Variants in SIM2 observed in about 807,000 individuals in gnomAD.
SIM2 encodes the protein single-minded homolog 2.
SIM2 carries 28 observed loss-of-function variants against 64.8 expected under a neutral mutation model. That is an observed-to-expected ratio of 0.43 (90% confidence interval 0.32 to 0.59). The LOEUF (loss-of-function observed/expected upper bound fraction) is 0.59, where lower values mean the gene tolerates loss of function less well. Among genes scored for constraint, SIM2 ranks in the 20% least tolerant of loss-of-function variants. The pLI is 0.07. For synonymous variants in SIM2, 408 were observed against 391.1 expected (o/e 1.04, Z -0.51); for missense variants, 847 against 871.4 (o/e 0.97, Z 0.35).
In SIM2 at chr21:36,723,050, G is replaced by A. The variant is rs757646652; in HGVS notation, c.463G>A (p.Glu155Lys). 1 of 1,614,032 alleles carries A rather than the reference G, an allele frequency of 6.2e-7. No homozygotes were observed. Among genetic ancestry groups the A allele is most frequent in the East Asian group, 2.2e-5 (1 of 44,880 alleles). ...CATCTTGCTCCTGCTTGCAGAGTAT[G>A]AGATAGAGAGGTCGTTCTTTCTTCG... is the stretch of plus-strand genomic sequence containing the variant. ...PLHHHLLQEY[E>K]IERSFFLRMK... Residue 155 changes from glutamate (E) to lysine (K), a missense_variant, in exon 5 of 11, where the codon GAG (glutamate) becomes AAG (lysine). Physicochemically the swap from Glu to Lys is moderately conservative, Grantham distance 56 (BLOSUM62 1). Around this residue, in one of 3 missense-constraint regions of SIM2, gnomAD observed 397 missense variants for 439.2 expected, o/e 0.90. Transcript: ENST00000290399.
intron 7 of SIM2, among the ~76,000 whole-genome samples, chr21:36,735,204 C>G (rs1229264884): frequency 6.6e-6 from 1 of 152,108 alleles, no homozygotes; most frequent in East Asian, 1.9e-4. Context: ...CCTGGCTTAC[C>G]CCCAACATGG....
chr21:36,745,979 T>C lies in SIM2; in HGVS notation c.1576+843T>C. The C allele has an allele frequency of 8.4e-7, 1 of 1,188,486 alleles. No homozygotes were observed. The highest frequency in any genetic ancestry group is 1.1e-6 in the Non-Finnish European group (1 of 929,234). The allele number at this position is 1,188,486 out of a possible 1,614,324, so 73.6% of individuals were successfully genotyped here. A position where few individuals can be genotyped will look rare whatever the true frequency, so the allele number is the denominator to read the frequency against. ...AGAGTGTAGACCGAGATGGTGCAGA[T>C]GCCTGCAGTGCCACTAAAATGTGGG... On this transcript the variant is annotated intron_variant, in intron 10 of 10. Transcript: ENST00000290399. The surrounding 1 kb of genome is among the most constrained non-coding windows in gnomAD (Gnocchi z 4.8).
intron 3 of SIM2, among the ~76,000 whole-genome samples, chr21:36,718,497 C>T (rs2088775641): frequency 1.3e-5 from 2 of 152,238 alleles, no homozygotes; most frequent in South Asian, 2.1e-4. Flanking sequence ...ACAAGACACA[C>T]CATGAGCCTC....
chr21:36,707,203 G>T (rs1439084934), intron 1 of SIM2, among the ~76,000 whole-genome samples: 1 of 152,224 alleles, frequency 6.6e-6, no homozygotes, highest in Non-Finnish European at 1.5e-5. Context: ...TGCCTTTGTC[G>T]CTTTTTGGAA....
intron 2 of SIM2, among the ~76,000 whole-genome samples, chr21:36,711,372 T>C (rs2088675146): frequency 6.6e-6 from 1 of 152,252 alleles, no homozygotes; most frequent in African/African-American, 2.4e-5. Context: ...ATTTTGCAGC[T>C]GAGTTAGAAA....
At chr21:36,703,644 G>A (rs573573444) in intron 1 of SIM2, among the ~76,000 whole-genome samples, 45 of 152,334 alleles carry the variant, frequency 3.0e-4, no homozygotes, top group African/African-American at 9.1e-4. Flanking sequence ...AGGAGACCAC[G>A]GCTGACTTTG....
rs1026818032 is a variant in SIM2 at position 36,745,314 on chromosome 21, G to A, written c.1576+178G>A. On this transcript the variant is annotated intron_variant, in intron 10 of 10. Coordinates refer to ENST00000290399, the MANE Select transcript of SIM2 (RefSeq NM_005069.6). The surrounding 1 kb of genome is among the most constrained non-coding windows in gnomAD (Gnocchi z 4.8). ...CTTGCTCTCAATGCAGGTGCTCCTCGAGAGTGAGAAATGGCAGTCTGCCTG... is the reference window on the plus strand; with the variant it reads ...CTTGCTCTCAATGCAGGTGCTCCTCAAGAGTGAGAAATGGCAGTCTGCCTG... The A allele has an allele frequency of 1.4e-6, 2 of 1,446,378 alleles. No individual in the cohort carries two copies. Among genetic ancestry groups the A allele is most frequent in the Admixed American group, 2.9e-5 (1 of 34,904 alleles). 89.6% of individuals were successfully genotyped at this position (1,446,378 alleles called of 1,614,324 possible). A position where few individuals can be genotyped will look rare whatever the true frequency, so the allele number is the denominator to read the frequency against.
intron 10 of SIM2, among the ~76,000 whole-genome samples, chr21:36,746,792 C>T (rs558918999): frequency 1.3e-5 from 2 of 152,304 alleles, no homozygotes; most frequent in Admixed American, 1.3e-4. Flanking sequence ...GTTTTGATAA[C>T]AGCTGAAAGT....
intron 7 of SIM2, among the ~76,000 whole-genome samples, chr21:36,737,366 G>A (rs943809927): frequency 1.3e-5 from 2 of 152,058 alleles, no homozygotes; most frequent in Non-Finnish European, 2.9e-5. Flanking sequence ...CAGGAAAGCC[G>A]AGCTCTGCCT....
In SIM2 at chr21:36,745,978, A is replaced by G; in HGVS notation, c.1576+842A>G. ...CAGAGTGTAGACCGAGATGGTGCAG[A>G]TGCCTGCAGTGCCACTAAAATGTGG... On this transcript the variant is annotated intron_variant, in intron 10 of 10. Coordinates refer to ENST00000290399, the MANE Select transcript of SIM2 (RefSeq NM_005069.6). This position sits in a 1 kb window ranked among gnomAD's most constrained non-coding sequence, Gnocchi z 4.8. 1 of 1,198,354 alleles carries G rather than the reference A, an allele frequency of 8.3e-7. No individual in the cohort carries two copies. 74.2% of individuals were successfully genotyped at this position (1,198,354 alleles called of 1,614,324 possible). A position where few individuals can be genotyped will look rare whatever the true frequency, so the allele number is the denominator to read the frequency against.
At chr21:36,741,567 C>T (rs1303147282) in intron 7 of SIM2, 150 bp from the exon 8 acceptor site, 1 of 826,906 alleles carries the variant, frequency 1.2e-6, no homozygotes, top group African/African-American at 1.7e-5. Flanking sequence ...GCACGAGACG[C>T]ACACAGACAT....
intron 6 of SIM2, among the ~76,000 whole-genome samples, chr21:36,729,067 C>G (rs559790618): frequency 6.6e-6 from 1 of 152,296 alleles, no homozygotes; most frequent in East Asian, 1.9e-4. Context: ...GGGAGGGCAC[C>G]TTGCCAAACC....
intron 1 of SIM2, among the ~76,000 whole-genome samples, chr21:36,705,449 G>T (rs538595132): frequency 2.0e-5 from 3 of 152,354 alleles, no homozygotes; most frequent in Non-Finnish European, 4.4e-5. Flanking sequence ...TGGTAATTGG[G>T]GGAGGAGAGG....
rs1188344982 is a variant in SIM2, at chr21:36,719,887, G to A, written c.415G>A (p.Val139Ile). 6.2e-7 allele frequency: 1 copy of A among 1,613,234 alleles called. No homozygotes were observed. The highest frequency in any genetic ancestry group is 1.1e-5 in the South Asian group (1 of 91,036). ...HPSDHDEMTAVLTAHQPLHHH... is the reference protein window; with the variant it reads ...HPSDHDEMTAILTAHQPLHHH... ...TTCTGACCACGATGAGATGACCGCT[G>A]TCCTCACGGCCCACCAGCCGCTGCA... is the stretch of plus-strand genomic sequence containing the variant. The change falls in exon 4 of 11, where the codon GTC becomes ATC. Residue 139 changes from valine (V) to isoleucine (I), a missense_variant. By Grantham distance (29) the Val-to-Ile change is conservative (BLOSUM62 3). Around this residue, in one of 3 missense-constraint regions of SIM2, gnomAD observed 397 missense variants for 439.2 expected, o/e 0.90. Coordinates refer to ENST00000290399, the MANE Select transcript of SIM2 (RefSeq NM_005069.6).
intron 3 of SIM2, 92 bp from the exon 4 acceptor site, chr21:36,719,729 G>A: frequency 2.7e-6 from 2 of 753,566 alleles, no homozygotes; most frequent in Middle Eastern, 3.7e-4. Context: ...TTCTGTTCCT[G>A]GCAGGGTGAG....
At chr21:36,724,197 T>A (rs2088860787) in intron 5 of SIM2, among the ~76,000 whole-genome samples, 1 of 152,192 alleles carries the variant, frequency 6.6e-6, no homozygotes, top group Admixed American at 6.5e-5. Context: ...TCGGGGGACA[T>A]GTTTCTTCCT....
intron 4 of SIM2, chr21:36,720,675 T>A (rs1568930940): frequency 6.6e-6 from 1 of 152,262 alleles, no homozygotes; most frequent in Admixed American, 6.5e-5. Flanking sequence ...TATTTAAAAA[T>A]GTTACTCCAA....
chr21:36,733,808 G>A (rs995424716), intron 7 of SIM2, among the ~76,000 whole-genome samples: 3 of 152,124 alleles, frequency 2.0e-5, no homozygotes, highest in East Asian at 1.9e-4. Flanking sequence ...TGATCCGCCC[G>A]CCTCGGCCTC....
rs1453043327 is a variant in SIM2, at chr21:36,726,054, C to G, written c.544-65C>G. 1.0e-5 allele frequency: 14 copies of G among 1,338,834 alleles called. No individual in the cohort carries two copies. The highest frequency in any genetic ancestry group is 1.5e-5 in the Non-Finnish European group (14 of 940,886). 82.9% of individuals were successfully genotyped at this position (1,338,834 alleles called of 1,614,324 possible). Reference sequence around the variant, plus strand: ...TTCTAGCATGTTTGAGAAAATGAGCCAGGAGGAGTGGGCTCCAGCCCAACC... The same window carrying G: ...TTCTAGCATGTTTGAGAAAATGAGCGAGGAGGAGTGGGCTCCAGCCCAACC... On this transcript the variant is annotated intron_variant, in intron 5 of 10. Transcript: ENST00000290399. The surrounding 1 kb of genome is among the most constrained non-coding windows in gnomAD (Gnocchi z 4.5).
Sources: allele counts gnomAD v4.1 joint callset (sites outside exome capture counted in the v4.1 genomes callset), GRCh38; gene constraint gnomAD v4.1.1; regional missense constraint gnomAD v4.1.1; non-coding constraint Gnocchi (gnomAD v3.1); transcripts MANE v1.5; gene names NCBI Gene and HGNC (gene_info 2026-07-23, HGNC 2026-07-21).